FSHR: variants seen among roughly 807,000 people sequenced by gnomAD.
FSHR encodes follicle stimulating hormone receptor.
Under a neutral mutation model 52.1 loss-of-function variants are expected in FSHR, and 46 were observed. The observed-to-expected ratio is 0.88, with a 90% CI of 0.70 to 1.13. The LOEUF is 1.13. FSHR is among the 50% of genes most tolerant of loss of function. The pLI is 0.00. For missense variants in FSHR, 964 were observed against 834.6 expected (o/e 1.16, Z -1.91); for synonymous variants, 399 against 309.6 (o/e 1.29, Z -3.03).
chr2:49,004,580 G>T (rs764447013), intron 4 of FSHR, among the ~76,000 whole-genome samples: 3 of 152,088 alleles, frequency 2.0e-5, no homozygotes, highest in East Asian at 3.9e-4. Flanking sequence ...GATCTTAGAG[G>T]ATTTTCTATT....
At chr2:49,020,477 T>G (rs1422411471) in intron 2 of FSHR, among the ~76,000 whole-genome samples, 1 of 151,904 alleles carries the variant, frequency 6.6e-6, no homozygotes, top group African/African-American at 2.4e-5. Context: ...AGAACAAAAT[T>G]TAAGTTCCCT....
In FSHR at chr2:49,058,631, A is replaced by T. The variant is rs370742055; in HGVS notation, c.224+9588T>A. Among the ~76,000 whole-genome samples, 149 of 152,296 alleles carry T rather than the reference A, an allele frequency of 9.8e-4. 1 individual carries two copies. In the South Asian group the frequency reaches 0.03, roughly 31 times the overall value. ...GAAAGATACAAAATCAACCAACAAAAATCAGTAGCATTTCTATCCACTAGC... is the reference window on the plus strand; with the variant it reads ...GAAAGATACAAAATCAACCAACAAATATCAGTAGCATTTCTATCCACTAGC... On this transcript the variant is annotated intron_variant, in intron 2 of 9. Transcript: ENST00000406846.
At chr2:49,018,596 C>T (rs1667581790) in intron 3 of FSHR, among the ~76,000 whole-genome samples, 1 of 152,174 alleles carries the variant, frequency 6.6e-6, no homozygotes, top group Non-Finnish European at 1.5e-5. Flanking sequence ...AGAGGGCTGG[C>T]TGCCCTTTGG....
intron 1 of FSHR, among the ~76,000 whole-genome samples, chr2:49,071,507 A>G (rs1208938561): frequency 6.6e-6 from 1 of 152,198 alleles, no homozygotes; most frequent in Non-Finnish European, 1.5e-5. Context: ...CTAGAAAAAG[A>G]ATATCTTTAA....
rs540591514 is a variant in FSHR, at chr2:49,118,854, T to C, written c.152+35412A>G. The stretch of plus-strand genomic sequence containing the variant: ...TTATAAATATTCCACCCCTTGGTTT[T>C]AAAGAAACCCATAAAGAGCCAAAAA... On this transcript the variant is annotated intron_variant, in intron 1 of 9. Transcript: ENST00000406846. 2.7e-3 allele frequency among the ~76,000 whole-genome samples: 415 copies of C among 152,360 alleles called. 2 individuals carry two copies. Among genetic ancestry groups the C allele is most frequent in the African/African-American group, 9.4e-3 (389 of 41,588 alleles).
At chr2:49,069,620 T>C (rs1229907084) in intron 1 of FSHR, among the ~76,000 whole-genome samples, 1 of 152,160 alleles carries the variant, frequency 6.6e-6, no homozygotes. Context: ...AGAACAGTGC[T>C]TAACATGATA....
intron 8 of FSHR, among the ~76,000 whole-genome samples, chr2:48,981,688 T>C (rs2104060624): frequency 6.6e-6 from 1 of 152,322 alleles, no homozygotes; most frequent in Non-Finnish European, 1.5e-5. Context: ...ACACCCTTTA[T>C]CATTAATAAT....
At chr2:48,979,370 G>C (rs1029924387) in intron 8 of FSHR, among the ~76,000 whole-genome samples, 2 of 152,104 alleles carry the variant, frequency 1.3e-5, no homozygotes, top group African/African-American at 4.8e-5. Flanking sequence ...GAGCTCGGGA[G>C]TTTAACGCTG....
At chr2:48,979,220 G>A (rs1558609) in intron 8 of FSHR, among the ~76,000 whole-genome samples, 72,307 of 151,756 alleles carry the variant, frequency 0.48, 17,528 homozygotes, top group Non-Finnish European at 0.53. Context: ...CAAGGCAGGA[G>A]AATAACTTGA....
At chr2:48,967,271 A>AT (rs959804576) in intron 9 of FSHR, among the ~76,000 whole-genome samples, 2 of 151,548 alleles carry the variant, frequency 1.3e-5, no homozygotes, top group East Asian at 3.9e-4. Flanking sequence ...AATTTTGTTC[A>AT]TTTTTTTTGT....
chr2:49,094,838 C>A (rs1211667806), intron 1 of FSHR, among the ~76,000 whole-genome samples: 1 of 151,796 alleles, frequency 6.6e-6, no homozygotes, highest in Non-Finnish European at 1.5e-5. Flanking sequence ...TATAAAAAAT[C>A]AATAAAACCA....
At chr2:48,973,486 G>A (rs1674838185) in intron 8 of FSHR, among the ~76,000 whole-genome samples, 1 of 152,166 alleles carries the variant, frequency 6.6e-6, no homozygotes, top group Admixed American at 6.5e-5. Flanking sequence ...ATTTTAATGA[G>A]GCAATAGAGA....
intron 2 of FSHR, among the ~76,000 whole-genome samples, chr2:49,021,193 T>C (rs949489140): frequency 3.3e-5 from 5 of 152,226 alleles, no homozygotes; most frequent in African/African-American, 1.2e-4. Context: ...TTGCCATTAA[T>C]GATGTCTTGG....
chr2:49,127,902 T>C (rs1672121426), intron 1 of FSHR, among the ~76,000 whole-genome samples: 4 of 132,682 alleles, frequency 3.0e-5, no homozygotes, highest in African/African-American at 1.2e-4. Context: ...CTTCTTCTTT[T>C]TTTTTTTTGA....
chr2:49,085,049 G>T (rs1670322935), intron 1 of FSHR, among the ~76,000 whole-genome samples: 1 of 152,054 alleles, frequency 6.6e-6, no homozygotes, highest in African/African-American at 2.4e-5. Context: ...CAAAAAAAGA[G>T]AATTTTAGAC....
At chr2:49,017,681 T>A (rs1224824428) in intron 3 of FSHR, 118 bp from the exon 4 acceptor site, 2 of 761,620 alleles carry the variant, frequency 2.6e-6, no homozygotes, top group Non-Finnish European at 4.7e-6. Context: ...CACCCATCTA[T>A]TCATCCATCC....
intron 1 of FSHR, among the ~76,000 whole-genome samples, chr2:49,140,324 A>G (rs1193829625): frequency 1.3e-5 from 2 of 148,764 alleles, no homozygotes; most frequent in Admixed American, 6.7e-5. Flanking sequence ...CCCCCCACCC[A>G]TTCTCTCTCT....
intron 1 of FSHR, among the ~76,000 whole-genome samples, chr2:49,126,782 T>G (rs1217418581): frequency 6.6e-6 from 1 of 152,210 alleles, no homozygotes; most frequent in Non-Finnish European, 1.5e-5. Context: ...CCCAGGTCTT[T>G]TCACTTCTAA....
At position 49,140,479 on chromosome 2, in the gene FSHR, CT is replaced by C. The variant is rs1324408416; in HGVS notation, c.152+13786del. Among the ~76,000 whole-genome samples the C allele has an allele frequency of 2.0e-5, 3 of 152,158 alleles. No individual in the cohort carries two copies. In the East Asian group the frequency reaches 5.8e-4, roughly 29 times the overall value. On this transcript the variant is annotated intron_variant, in intron 1 of 9. Coordinates refer to ENST00000406846, the MANE Select transcript of FSHR (RefSeq NM_000145.4). ...GCTGAACTATGAGCCAATTAAACCT[CT>C]TTTCATCATAAATTACCCAGTCTCA...
Sources: gnomAD v4.1 joint callset for allele counts (sites outside exome capture counted in the v4.1 genomes callset) on GRCh38, gnomAD v4.1.1 for gene constraint, MANE v1.5 for transcripts, NCBI Gene and HGNC (gene_info 2026-07-23, HGNC 2026-07-21) for gene names.